The following LRP1 variants were observed in gnomAD, a reference collection of about 807,000 sequenced individuals.
LRP1 encodes LDL receptor related protein 1.
In LRP1, 51 loss-of-function variants were observed where a neutral mutation model predicts 541.5. That is an observed-to-expected ratio of 0.09 (90% CI 0.08 to 0.12). The LOEUF (loss-of-function observed/expected upper bound fraction) is 0.12, where lower values mean the gene tolerates loss of function less well. Among genes scored for constraint, LRP1 ranks in the 10% least tolerant of loss-of-function variants. The pLI is 1.00. For synonymous variants in LRP1, 2,219 were observed against 2,470.8 expected, an observed-to-expected ratio of 0.90 and a Z score of 3.02; for missense variants, 3,878 against 6,376.2, an observed-to-expected ratio of 0.61 and a Z score of 13.34.
Position 57,173,739 on chromosome 12 carries a change from A to T in LRP1, c.3347-41A>T. ...TGGAAGGAAGGGCAGGGGGAGCCCC[A>T]GTCCCCGGGCCTGGGCCCTCATAGT... On this transcript the variant is annotated intron_variant, in intron 21 of 88. Transcript: ENST00000243077. The surrounding 1 kb of genome is among the most constrained non-coding windows in gnomAD (Gnocchi z 4.7). 6.2e-7 allele frequency: 1 copy of T among 1,602,826 alleles called. No homozygotes were observed. The highest frequency in any genetic ancestry group is 8.5e-7 in the Non-Finnish European group (1 of 1,169,870).
In LRP1 at chr12:57,144,822, A is replaced by C. The variant is rs1221908705; in HGVS notation, c.449-150A>C. 4 of 755,482 alleles carry C rather than the reference A, an allele frequency of 5.3e-6. No individual in the cohort carries two copies. The East Asian group carries it at 1.0e-4, about 19-fold the overall frequency. 46.8% of individuals were successfully genotyped at this position (755,482 alleles called of 1,614,324 possible). On this transcript the variant is annotated intron_variant, in intron 4 of 88. Coordinates refer to ENST00000243077, the MANE Select transcript of LRP1 (RefSeq NM_002332.3). ...CCAAGACTGGACTTGCTGGGTGTTA[A>C]GGTTTGCACATTTCATGCTGTAATA...
intron 3 of LRP1, among the ~76,000 whole-genome samples, chr12:57,142,665 T>G (rs1257671412): frequency 6.6e-6 from 1 of 152,150 alleles, no homozygotes; most frequent in African/African-American, 2.4e-5. Context: ...AGGTCTGAAT[T>G]TCCTTCTCTG....
intron 8 of LRP1, chr12:57,155,282 C>T (rs974708107): frequency 1.1e-5 from 2 of 183,904 alleles, no homozygotes; most frequent in African/African-American, 2.4e-5. Flanking sequence ...ACAGGACTTG[C>T]TTGGGGCAAG....
chr12:57,194,716 C>T lies in LRP1; in HGVS notation c.8191+17C>T, dbSNP rs2036491271. The T allele has an allele frequency of 1.3e-6, 2 of 1,536,748 alleles. No individual in the cohort carries two copies. Among genetic ancestry groups the T allele is most frequent in the Non-Finnish European group, 1.8e-6 (2 of 1,141,898 alleles). ...CCCACTGCAGTGAGTGACCACTGCA[C>T]CCACTCAGTGCTCCAAGAGCCTGCT... On this transcript the variant is annotated intron_variant, in intron 50 of 88. Transcript: ENST00000243077.
At chr12:57,207,922 G>C (rs1355659483) in intron 76 of LRP1, 116 bp from the exon 77 acceptor site, 1 of 1,181,320 alleles carries the variant, frequency 8.5e-7, no homozygotes, top group Non-Finnish European at 1.2e-6. Context: ...TCTCTTTAAA[G>C]CCAGGGTCCT....
chr12:57,172,932 C>T (rs376057357), intron 20 of LRP1, among the ~76,000 whole-genome samples: 26 of 152,254 alleles, frequency 1.7e-4, no homozygotes, highest in South Asian at 1.0e-3. Context: ...CTGAGATCTC[C>T]GGTGTCAATG....
Position 57,183,862 on chromosome 12 carries a change from C to T in LRP1, c.5882C>T (p.Thr1961Ile). The T allele has an allele frequency of 6.2e-7, 1 of 1,614,154 alleles. No individual in the cohort carries two copies. The highest frequency in any genetic ancestry group is 8.5e-7 in the Non-Finnish European group (1 of 1,180,036). Residue 1961 changes from threonine (T) to isoleucine (I), a missense_variant, in exon 36 of 89, where the codon ACC becomes ATC. By Grantham distance (89) the Thr-to-Ile change is moderately conservative (BLOSUM62 -1). Transcript: ENST00000243077. This position sits in a 1 kb window ranked among gnomAD's most constrained non-coding sequence, Gnocchi z 6.1. ...RDQTWREDVV[T>I]NGIGRVEGIA... The stretch of plus-strand genomic sequence containing the variant: ...CAGACGTGGCGTGAAGACGTGGTGA[C>T]CAATGGCATTGGCCGTGTGGAGGGC...
chr12:57,195,464 G>T (rs2036511325), intron 52 of LRP1, 65 bp downstream of exon 52: 1 of 1,588,656 alleles, frequency 6.3e-7, no homozygotes, highest in Non-Finnish European at 8.5e-7. Flanking sequence ...TTGCAGATGG[G>T]GAAGCCGGGG....
chr12:57,157,018 G>T, intron 10 of LRP1, 98 bp downstream of exon 10: 1 of 1,388,816 alleles, frequency 7.2e-7, no homozygotes, highest in East Asian at 2.5e-5. Context: ...GACATGCAGG[G>T]AGATGAAGGA....
At chr12:57,143,026 G>T (rs1382291976) in intron 3 of LRP1, among the ~76,000 whole-genome samples, 3 of 152,032 alleles carry the variant, frequency 2.0e-5, no homozygotes, top group East Asian at 1.9e-4. Flanking sequence ...TCGCTGGTCT[G>T]GGGGGGCAAC....
Position 57,195,738 on chromosome 12 carries a change from G to T in LRP1, c.8518G>T (p.Asp2840Tyr). The T allele has an allele frequency of 6.2e-7, 1 of 1,614,174 alleles. No homozygotes were observed. Among genetic ancestry groups the T allele is most frequent in the South Asian group, 1.1e-5 (1 of 91,062 alleles). ...CIPKHFVCDH[D>Y]RDCADGSDES... ...CCCCAAGCACTTCGTGTGTGACCAC[G>T]ACCGTGACTGTGCAGATGGCTCTGA... Residue 2840 changes from aspartate to tyrosine, a missense_variant, in exon 53 of 89, where the codon GAC becomes TAC. Physicochemically the swap from Asp to Tyr is radical, Grantham distance 160. Transcript: ENST00000243077.
chr12:57,183,084 T>G lies in LRP1; in HGVS notation c.5663-295T>G, dbSNP rs1316676502. On this transcript the variant is annotated intron_variant, in intron 34 of 88. Transcript: ENST00000243077. This position sits in a 1 kb window ranked among gnomAD's most constrained non-coding sequence, Gnocchi z 6.1. ...CTAAGGAACTTGCAGGGGTGCAGGG[T>G]TGGGTTGTGCTGGGTGGAGGCCGGC... is the stretch of plus-strand genomic sequence containing the variant. Among the ~76,000 whole-genome samples, 1 of 151,860 alleles carries G rather than the reference T, an allele frequency of 6.6e-6. No homozygotes were observed. The highest frequency in any genetic ancestry group is 1.9e-4 in the East Asian group (1 of 5,176).
At position 57,160,023 on chromosome 12, in the gene LRP1, T is replaced by C. The variant is rs772697473; in HGVS notation, c.1979+18T>C. 7 of 1,611,448 alleles carry C rather than the reference T, an allele frequency of 4.3e-6. No homozygotes were observed. In the South Asian group the frequency reaches 4.4e-5, roughly 10 times the overall value. On this transcript the variant is annotated intron_variant, in intron 12 of 88. Coordinates refer to ENST00000243077, the MANE Select transcript of LRP1 (RefSeq NM_002332.3). ...CTCAATGGGTGAGTCCTCCCAGGCC[T>C]TGGGGTGGGAGGAGCTGGGAGTGTG...
At position 57,209,184 on chromosome 12, in the gene LRP1, G is replaced by C; in HGVS notation, c.12247G>C (p.Ala4083Pro). The C allele has an allele frequency of 6.2e-7, 1 of 1,613,864 alleles. No individual in the cohort carries two copies. The highest frequency in any genetic ancestry group is 1.1e-5 in the South Asian group (1 of 91,076). The change falls in exon 79 of 89, where the codon GCT (alanine) becomes CCT (proline). Residue 4083 changes from alanine to proline, a missense_variant. Physicochemically the swap from Ala to Pro is conservative, Grantham distance 27. Around this residue, in one of 13 missense-constraint regions of LRP1, gnomAD observed 871 missense variants for 1,212.4 expected, o/e 0.72. Transcript: ENST00000243077. ...CAATGGCACGGACCCCATTGTGGCT[G>C]CTGACAGCAAACGAGGTCAGAGCCC... ...RLNGTDPIVA[A>P]DSKRGLSHPF...
At position 57,138,468 on chromosome 12, in the gene LRP1, C is replaced by T; in HGVS notation, c.77C>T (p.Thr26Ile). Residue 26 changes from threonine to isoleucine, a missense_variant, in exon 2 of 89, where the codon ACT becomes ATT. Thr to Ile is a moderately conservative substitution (Grantham distance 89). Transcript: ENST00000243077. ...TCTTTCCTTGCCCTAGCCCCTAAGA[C>T]TTGCAGCCCCAAGCAGTTTGCCTGC... ...LVAAAIDAPK[T>I]CSPKQFACRD... is the part of the protein sequence containing the mutation. 1 of 1,613,940 alleles carries T rather than the reference C, an allele frequency of 6.2e-7. No individual in the cohort carries two copies. Among genetic ancestry groups the T allele is most frequent in the Non-Finnish European group, 8.5e-7 (1 of 1,179,908 alleles).
intron 6 of LRP1, among the ~76,000 whole-genome samples, chr12:57,151,074 T>G (rs2035516860): frequency 6.6e-6 from 1 of 152,078 alleles, no homozygotes; most frequent in African/African-American, 2.4e-5. Flanking sequence ...TTCCTTCCGA[T>G]TTCCTTATTT....
At chr12:57,136,231 G>A (rs1294122272) in intron 1 of LRP1, among the ~76,000 whole-genome samples, 2 of 152,182 alleles carry the variant, frequency 1.3e-5, no homozygotes, top group Non-Finnish European at 2.9e-5. Flanking sequence ...GTGGGGGCCA[G>A]GGGAGGGAGG....
Position 57,128,982 on chromosome 12 carries a change from G to T in LRP1, c.18G>T (p.Leu6Phe). ...CCCACACCATGCTGACCCCGCCGTT[G>T]CTCCTGCTGCTGCCCCTGCTCTCAG... MLTPP[L>F]LLLLPLLSAL... Residue 6 changes from leucine to phenylalanine, a missense_variant, in exon 1 of 89, where the codon TTG (leucine) becomes TTT (phenylalanine). Leu to Phe is a conservative substitution (Grantham distance 22). This residue lies in a region of LRP1 where 293 missense variants were observed against 403.7 expected (regional missense o/e 0.73). Transcript: ENST00000243077. 6.4e-7 allele frequency: 1 copy of T among 1,551,258 alleles called. No homozygotes were observed. The highest frequency in any genetic ancestry group is 1.2e-5 in the South Asian group (1 of 84,026).
Position 57,184,692 on chromosome 12 carries a change from G to T in LRP1, c.6187-147G>T. The T allele has an allele frequency of 1.0e-6, 1 of 984,136 alleles. No individual in the cohort carries two copies. Among genetic ancestry groups the T allele is most frequent in the Non-Finnish European group, 1.5e-6 (1 of 671,932 alleles). The allele number at this position is 984,136 out of a possible 1,614,324, so 61.0% of individuals were successfully genotyped here. A position where few individuals can be genotyped will look rare whatever the true frequency, so the allele number is the denominator to read the frequency against. ...GAGGTCACCTTATCAGCAGGGCAGT[G>T]GGCAGGAGTGTATGCAGGAGGCAGG... is the stretch of plus-strand genomic sequence containing the variant. On this transcript the variant is annotated intron_variant, in intron 38 of 88. Transcript: ENST00000243077. This position sits in a 1 kb window ranked among gnomAD's most constrained non-coding sequence, Gnocchi z 7.8.
Sources: allele counts gnomAD v4.1 joint callset (sites outside exome capture counted in the v4.1 genomes callset), GRCh38; gene constraint gnomAD v4.1.1; regional missense constraint gnomAD v4.1.1; non-coding constraint Gnocchi (gnomAD v3.1); transcripts MANE v1.5; gene names NCBI Gene and HGNC (gene_info 2026-07-23, HGNC 2026-07-21).